STYXL1: variants seen among roughly 807,000 people sequenced by gnomAD.
The protein encoded by STYXL1 is serine/threonine/tyrosine-interacting-like protein 1.
A neutral mutation model predicts 36.4 loss-of-function variants in STYXL1; 32 were observed. That is an observed-to-expected ratio of 0.88 (90% confidence interval 0.66 to 1.18). The LOEUF (loss-of-function observed/expected upper bound fraction) is 1.18. STYXL1 is among the 50% of genes most tolerant of loss of function. The probability of loss-of-function intolerance (pLI) is 0.00; values close to 1 mark genes in which losing one functional copy is unlikely to be tolerated. For synonymous variants in STYXL1, 133 were observed against 144.1 expected, an observed-to-expected ratio of 0.92 and a Z score of 0.55; for missense variants, 354 against 394.1, an observed-to-expected ratio of 0.90 and a Z score of 0.86.
intron 5 of STYXL1, among the ~76,000 whole-genome samples, chr7:76,010,306 G>A (rs561373804): frequency 6.6e-6 from 1 of 152,244 alleles, no homozygotes; most frequent in East Asian, 1.9e-4. Context: ...GAAATTCACA[G>A]TGCTGTTATC....
chr7:76,003,749 G>T lies in STYXL1; in HGVS notation c.697+9C>A, dbSNP rs528860830. 6.2e-7 allele frequency: 1 copy of T among 1,613,596 alleles called. No individual in the cohort carries two copies. On this transcript the variant is annotated intron_variant, in intron 7 of 8. Coordinates refer to ENST00000359697, the MANE Select transcript of STYXL1 (RefSeq NM_001317785.2). ...GCCAGTTGCTACCCGGCCAAGGAACGCTCCTTACCAATGAAGTGACACATG... is the reference window on the plus strand; with the variant it reads ...GCCAGTTGCTACCCGGCCAAGGAACTCTCCTTACCAATGAAGTGACACATG...
At chr7:76,046,686 G>T (rs530531222) in intron 1 of STYXL1, among the ~76,000 whole-genome samples, 34 of 122,086 alleles carry the variant, frequency 2.8e-4, no homozygotes, top group Non-Finnish European at 4.5e-4. Context: ...TTTCTCCGTC[G>T]CCCAAGCTGG....
rs1446634424 is a variant in STYXL1 at position 76,003,764 on chromosome 7, A to G, written c.691T>C (p.Phe231Leu). 6.2e-7 allele frequency: 1 copy of G among 1,614,032 alleles called. No homozygotes were observed. Residue 231 changes from phenylalanine to leucine, a missense_variant, in exon 7 of 9, where the codon TTC (phenylalanine) becomes CTC (leucine). By Grantham distance (22) the Phe-to-Leu change is conservative (BLOSUM62 0). Transcript: ENST00000359697. ...ILPFLRHMCH[F>L]IEIHHHLGSV... ...GCCAAGGAACGCTCCTTACCAATGAAGTGACACATGTGGCGTAAGAAGGGA... is the reference window on the plus strand; with the variant it reads ...GCCAAGGAACGCTCCTTACCAATGAGGTGACACATGTGGCGTAAGAAGGGA...
In STYXL1 at chr7:76,039,276, A is replaced by G. The variant is rs1444540371; in HGVS notation, c.-5+8386T>C. ...GTTTCTGTAGAGTCAGGGTTCCACT[A>G]TGTTTTCCAGGCTGGTTTCGAACTC... On this transcript the variant is annotated intron_variant, in intron 1 of 8. Coordinates refer to ENST00000359697, the MANE Select transcript of STYXL1 (RefSeq NM_001317785.2). 4.1e-5 allele frequency among the ~76,000 whole-genome samples: 6 copies of G among 146,662 alleles called. 2 individuals carry two copies. The highest frequency in any genetic ancestry group is 1.6e-4 in the African/African-American group (6 of 36,834).
rs782407015 is a variant in STYXL1, at chr7:76,000,876, C to T, written c.810+14G>A. On this transcript the variant is annotated intron_variant, in intron 8 of 8. Transcript: ENST00000359697. ...GGGTGGCCGTGGTGCGAGCCTGGCC[C>T]GGGGAACGCATACCTGCAAGGTCTG... is the stretch of plus-strand genomic sequence containing the variant. 2.0e-5 allele frequency: 33 copies of T among 1,611,996 alleles called. No homozygotes were observed. The African/African-American group carries it at 3.1e-4, about 15-fold the overall frequency.
At chr7:76,015,741 C>T (rs541532569) in intron 4 of STYXL1, among the ~76,000 whole-genome samples, 1 of 152,278 alleles carries the variant, frequency 6.6e-6, no homozygotes, top group African/African-American at 2.4e-5. Flanking sequence ...AAGTACTGAT[C>T]CTGGGCGTGT....
chr7:76,011,371 TA>T lies in STYXL1; in HGVS notation c.453+2370del, dbSNP rs573267092. Among the ~76,000 whole-genome samples the T allele has an allele frequency of 2.0e-5, 3 of 152,352 alleles. No individual in the cohort carries two copies. The East Asian group carries it at 5.8e-4, about 29-fold the overall frequency. On this transcript the variant is annotated intron_variant, in intron 5 of 8. Coordinates refer to ENST00000359697, the MANE Select transcript of STYXL1 (RefSeq NM_001317785.2). ...CCGTAAATATTTTGTTCTGTATTTCTAAAAGATAAGGACTTGTACTTTATAA... is the reference window on the plus strand; with the variant it reads ...CCGTAAATATTTTGTTCTGTATTTCTAAAGATAAGGACTTGTACTTTATAA...
rs918754914 is a variant in STYXL1 at position 76,005,704 on chromosome 7, C to T, written c.454-300G>A. On this transcript the variant is annotated intron_variant, in intron 5 of 8. Coordinates refer to ENST00000359697, the MANE Select transcript of STYXL1 (RefSeq NM_001317785.2). ...AGGTGCACAAAGGTTGCAGTGAGGA[C>T]GCTGTGGCCCAGAACTGTAACAACC... is the stretch of plus-strand genomic sequence containing the variant. Among the ~76,000 whole-genome samples, 4 of 152,010 alleles carry T rather than the reference C, an allele frequency of 2.6e-5. No individual in the cohort carries two copies. The South Asian group carries it at 6.2e-4, about 24-fold the overall frequency.
chr7:76,018,787 G>A (rs1554574912), intron 4 of STYXL1, among the ~76,000 whole-genome samples: 3 of 152,134 alleles, frequency 2.0e-5, no homozygotes, highest in African/African-American at 4.8e-5. Context: ...TAGGTTGTTC[G>A]TGCTTTTTGG....
chr7:76,025,681 G>A (rs1322797696), intron 3 of STYXL1, among the ~76,000 whole-genome samples: 1 of 151,534 alleles, frequency 6.6e-6, no homozygotes, highest in Admixed American at 6.6e-5. Context: ...CCCCAGCTAC[G>A]AGGGAGGCTG....
intron 1 of STYXL1, among the ~76,000 whole-genome samples, chr7:76,031,039 T>C (rs953707964): frequency 6.6e-6 from 1 of 151,820 alleles, no homozygotes; most frequent in Non-Finnish European, 1.5e-5. Context: ...TGCACATCTA[T>C]AGTCCCAGCT....
chr7:76,011,947 T>C (rs1458559166), intron 5 of STYXL1, among the ~76,000 whole-genome samples: 1 of 152,176 alleles, frequency 6.6e-6, no homozygotes, highest in Non-Finnish European at 1.5e-5. Flanking sequence ...TGACCATGAG[T>C]TGACAATGTT....
chr7:76,005,204 A>G, intron 6 of STYXL1, 55 bp downstream of exon 6: 1 of 1,026,486 alleles, frequency 9.7e-7, no homozygotes, highest in Non-Finnish European at 1.2e-6. Flanking sequence ...AAATAAATTT[A>G]AATATTATAT....
chr7:76,027,277 G>A (rs1794824683), intron 3 of STYXL1, among the ~76,000 whole-genome samples: 1 of 151,794 alleles, frequency 6.6e-6, no homozygotes, highest in Non-Finnish European at 1.5e-5. Flanking sequence ...GCAGGGCTCT[G>A]TCCACTCCTC....
intron 1 of STYXL1, among the ~76,000 whole-genome samples, chr7:76,031,973 A>G (rs542802525): frequency 5.9e-5 from 9 of 152,312 alleles, no homozygotes. Flanking sequence ...CAAGAGCACT[A>G]TAAAAGATCT....
rs1554573100 is a variant in STYXL1 at position 76,013,903 on chromosome 7, A to G, written c.308-16T>C. The stretch of plus-strand genomic sequence containing the variant: ...GGCACAAGATCTGAGAGTGGAGACC[A>G]AAGACATGAATGTCTCCTGTGTATC... On this transcript the variant is annotated splice_polypyrimidine_tract_variant and intron_variant, in intron 4 of 8. Transcript: ENST00000359697. 1 of 1,600,074 alleles carries G rather than the reference A, an allele frequency of 6.2e-7. No homozygotes were observed. Among genetic ancestry groups the G allele is most frequent in the Admixed American group, 1.7e-5 (1 of 58,836 alleles).
chr7:76,018,537 C>A, intron 4 of STYXL1, among the ~76,000 whole-genome samples: 1 of 152,088 alleles, frequency 6.6e-6, no homozygotes, highest in Non-Finnish European at 1.5e-5. Context: ...ATTACAGGCA[C>A]ATGCCACCAC....
intron 1 of STYXL1, among the ~76,000 whole-genome samples, chr7:76,036,070 T>A (rs1216152365): frequency 3.3e-5 from 5 of 149,780 alleles, no homozygotes; most frequent in African/African-American, 1.2e-4. Context: ...ACCATCCCAT[T>A]TGGTGCTATT....
At chr7:76,014,038 G>A in intron 4 of STYXL1, 151 bp from the exon 5 acceptor site, 4 of 771,476 alleles carry the variant, frequency 5.2e-6, no homozygotes, top group Non-Finnish European at 7.7e-6. Flanking sequence ...GAGTGCAGTG[G>A]TGCGATCTCG....
Sources: gnomAD v4.1 joint callset for allele counts (sites outside exome capture counted in the v4.1 genomes callset) on GRCh38, gnomAD v4.1.1 for gene constraint, MANE v1.5 for transcripts, NCBI Gene and HGNC (gene_info 2026-07-23, HGNC 2026-07-21) for gene names.